The following MOCOS variants were observed in gnomAD, a reference collection of about 807,000 sequenced individuals.
The protein encoded by MOCOS is molybdenum cofactor sulfurase.
A neutral mutation model predicts 83.6 loss-of-function variants in MOCOS; 86 were observed. The observed-to-expected ratio is 1.03, with a 90% CI of 0.86 to 1.23. MOCOS has a LOEUF of 1.23. Ranked by LOEUF, MOCOS falls within the 50% of genes most tolerant of loss-of-function variation. MOCOS has a pLI of 0.00. For missense variants in MOCOS, 1,120 were observed against 1,126.9 expected (o/e 0.99, Z 0.09); for synonymous variants, 445 against 434.7 (o/e 1.02, Z -0.29).
chr18:36,268,631 T>C lies in MOCOS; in HGVS notation c.2613T>C (p.Asn871=), dbSNP rs377569534. The C allele has an allele frequency of 1.9e-6, 3 of 1,614,006 alleles. No homozygotes were observed. Among genetic ancestry groups the C allele is most frequent in the African/African-American group, 2.7e-5 (2 of 74,898 alleles). Reference sequence around the variant, plus strand: ...AGGTGCTCCCTGTGTTGAAAGAGAATGTGGAAGGTCATGATTTACCTGCAT... The same window carrying C: ...AGGTGCTCCCTGTGTTGAAAGAGAACGTGGAAGGTCATGATTTACCTGCAT... ...GSQVLPVLKE[N]VEGHDLPASE... Residue 871 remains asparagine (N), a synonymous_variant, in exon 15 of 15, where the codon AAT becomes AAC. Transcript: ENST00000261326.
intron 9 of MOCOS, among the ~76,000 whole-genome samples, chr18:36,237,604 G>C (rs922893170): frequency 1.3e-5 from 2 of 151,978 alleles, no homozygotes; most frequent in Non-Finnish European, 2.9e-5. Context: ...TTCTTTGGTT[G>C]TGTCTCTGCC....
At chr18:36,211,722 G>C (rs1469127918) in intron 6 of MOCOS, among the ~76,000 whole-genome samples, 1 of 152,116 alleles carries the variant, frequency 6.6e-6, no homozygotes, top group African/African-American at 2.4e-5. Context: ...CAAAGGGTAA[G>C]TGTGGCTGCA....
intron 9 of MOCOS, among the ~76,000 whole-genome samples, chr18:36,239,101 G>T (rs1452086136): frequency 1.3e-5 from 2 of 149,782 alleles, no homozygotes; most frequent in Non-Finnish European, 3.0e-5. Flanking sequence ...TTGCCAGTCT[G>T]TGTCTTTTAA....
intron 9 of MOCOS, among the ~76,000 whole-genome samples, chr18:36,245,009 A>G (rs1450953978): frequency 1.3e-5 from 2 of 152,060 alleles, no homozygotes; most frequent in East Asian, 1.9e-4. Context: ...TCAAGTTTAT[A>G]TGAGTCCTTG....
intron 11 of MOCOS, among the ~76,000 whole-genome samples, chr18:36,255,471 A>G (rs2091638198): frequency 6.6e-6 from 1 of 152,178 alleles, no homozygotes; most frequent in African/African-American, 2.4e-5. Context: ...CTCGGACTCC[A>G]GGGTTTTGAA....
chr18:36,193,741 A>C (rs1315718406), intron 1 of MOCOS, among the ~76,000 whole-genome samples: 1 of 152,252 alleles, frequency 6.6e-6, no homozygotes, highest in Non-Finnish European at 1.5e-5. Flanking sequence ...GGATTTTATC[A>C]AACTTAAAAA....
rs2091693724 is a variant in MOCOS, at chr18:36,269,906, T to G, written c.*1221T>G. ...GCTCCAGGCTCAGGCTTCCCTAATG[T>G]ATCTGTTCAGAGCCTGTGGGATTCA... On this transcript the variant is annotated 3_prime_UTR_variant, in exon 15 of 15. Coordinates refer to ENST00000261326, the MANE Select transcript of MOCOS (RefSeq NM_017947.4). 6.6e-6 allele frequency: 1 copy of G among 152,236 alleles called. No individual in the cohort carries two copies. Among genetic ancestry groups the G allele is most frequent in the Non-Finnish European group, 1.5e-5 (1 of 68,046 alleles). 9.4% of individuals were successfully genotyped at this position (152,236 alleles called of 1,614,324 possible).
chr18:36,248,403 A>T (rs1270381810), intron 9 of MOCOS, among the ~76,000 whole-genome samples: 1 of 151,994 alleles, frequency 6.6e-6, no homozygotes, highest in Non-Finnish European at 1.5e-5. Context: ...TTGTCTCTTC[A>T]TTCTGTTGTT....
intron 9 of MOCOS, among the ~76,000 whole-genome samples, chr18:36,235,145 ATTATAC>A (rs1366044552): frequency 6.6e-6 from 1 of 151,268 alleles, no homozygotes; most frequent in African/African-American, 2.4e-5. Context: ...TTTTTTTATT[ATTATAC>A]TTTAAGTTTT....
intron 9 of MOCOS, among the ~76,000 whole-genome samples, chr18:36,242,891 A>G (rs1490928396): frequency 2.6e-5 from 4 of 152,238 alleles, no homozygotes; most frequent in Admixed American, 2.0e-4. Context: ...GGATGGGGAC[A>G]TAGAGCCAAA....
intron 11 of MOCOS, chr18:36,256,721 C>T (rs1021971762): frequency 1.2e-5 from 5 of 420,820 alleles, no homozygotes; most frequent in South Asian, 6.3e-5. Context: ...AAGTGCTGAG[C>T]CACTGTGCCC....
rs1375716137 is a variant in MOCOS, at chr18:36,195,155, A to C, written c.143-102A>C. ...AGGCACATATCAAGAGGCACAAGTC[A>C]GTGGCCTGATGTTACGTCTGCATGC... On this transcript the variant is annotated intron_variant, in intron 1 of 14. Coordinates refer to ENST00000261326, the MANE Select transcript of MOCOS (RefSeq NM_017947.4). The C allele has an allele frequency of 9.5e-6, 9 of 943,082 alleles. No homozygotes were observed. The East Asian group carries it at 2.2e-4, about 23-fold the overall frequency. 58.4% of individuals were successfully genotyped at this position (943,082 alleles called of 1,614,324 possible).
At chr18:36,219,990 G>A (rs1034182817) in intron 8 of MOCOS, 65 bp from the exon 9 acceptor site, 6 of 1,594,588 alleles carry the variant, frequency 3.8e-6, no homozygotes. Context: ...TGTAGCCACT[G>A]TACAAATAGG....
At chr18:36,207,971 T>C (rs2091440585) in intron 6 of MOCOS, among the ~76,000 whole-genome samples, 1 of 152,222 alleles carries the variant, frequency 6.6e-6, no homozygotes, top group Admixed American at 6.5e-5. Flanking sequence ...TATTTTTTTA[T>C]GTGGTGATAG....
chr18:36,243,373 A>G (rs1037910860), intron 9 of MOCOS, among the ~76,000 whole-genome samples: 2 of 152,064 alleles, frequency 1.3e-5, no homozygotes, highest in Non-Finnish European at 2.9e-5. Context: ...AGATAATCAC[A>G]TGATTTTTGT....
chr18:36,192,934 C>T (rs1190497710), intron 1 of MOCOS, among the ~76,000 whole-genome samples: 1 of 152,144 alleles, frequency 6.6e-6, no homozygotes, highest in Non-Finnish European at 1.5e-5. Context: ...CAGTGTGTGC[C>T]ACCACACCTG....
intron 9 of MOCOS, among the ~76,000 whole-genome samples, chr18:36,240,616 G>C (rs1026686722): frequency 1.2e-4 from 19 of 152,202 alleles, no homozygotes; most frequent in African/African-American, 4.6e-4. Flanking sequence ...CCCAGAGGTG[G>C]AGCCTACAGA....
chr18:36,207,425 T>C (rs1049170990), intron 6 of MOCOS, among the ~76,000 whole-genome samples: 1 of 152,224 alleles, frequency 6.6e-6, no homozygotes, highest in Non-Finnish European at 1.5e-5. Context: ...TAGCAGTGTA[T>C]AAGTGTTTTT....
At chr18:36,261,754 C>T (rs1008314696) in intron 13 of MOCOS, among the ~76,000 whole-genome samples, 3 of 152,304 alleles carry the variant, frequency 2.0e-5, no homozygotes, top group South Asian at 2.1e-4. Flanking sequence ...GCCCTCCTGC[C>T]GTTTCCCTCA....
Sources: gnomAD v4.1 joint callset for allele counts (sites outside exome capture counted in the v4.1 genomes callset) on GRCh38, gnomAD v4.1.1 for gene constraint, MANE v1.5 for transcripts, NCBI Gene and HGNC (gene_info 2026-07-23, HGNC 2026-07-21) for gene names.